The following CDH26 variants were observed in gnomAD, a reference collection of about 807,000 sequenced individuals.
CDH26 encodes the protein cadherin 26.
A neutral mutation model predicts 90.3 loss-of-function variants in CDH26; 83 were observed. That is an observed-to-expected ratio of 0.92 (90% CI 0.77 to 1.10). The LOEUF is 1.10. CDH26 is among the 50% of genes least tolerant of loss of function. The pLI is 0.00. For synonymous variants in CDH26, 397 were observed against 396.3 expected (o/e 1.00, Z -0.02); for missense variants, 1,013 against 1,037.6 (o/e 0.98, Z 0.33).
downstream of CDH26, among the ~76,000 whole-genome samples, chr20:60,034,761 C>G (rs1256704958): frequency 3.9e-5 from 6 of 152,228 alleles, no homozygotes; most frequent in Non-Finnish European, 8.8e-5. Context: ...AAGGCCCTGT[C>G]TGTTTTACTT....
chr20:59,969,992 A>G (rs1386163902), intron 2 of CDH26, 90 bp from the exon 3 acceptor site: 3 of 1,517,208 alleles, frequency 2.0e-6, no homozygotes, highest in East Asian at 4.7e-5. Flanking sequence ...GTGTCAGCAC[A>G]GGGCCTTTAC....
At position 59,984,784 on chromosome 20, in the gene CDH26, C is replaced by G; in HGVS notation, c.687C>G (p.Leu229=). The G allele has an allele frequency of 6.2e-7, 1 of 1,610,684 alleles. No individual in the cohort carries two copies. The highest frequency in any genetic ancestry group is 1.1e-5 in the South Asian group (1 of 89,978). ...RVDRLSGEIR[L]SGCLDYETAP... is the part of the protein sequence containing the mutation. ...ATCGCCTTAGTGGAGAAATACGACT[C>G]TCTGGCTGCTTAGATTATGAGGTTA... The change falls in exon 6 of 18, where the codon CTC becomes CTG. Residue 229 remains leucine (L), a synonymous_variant. Coordinates refer to ENST00000348616, the MANE Select transcript of CDH26 (RefSeq NM_177980.4).
chr20:60,026,839 G>T lies in CDH26; in HGVS notation c.948-4392G>T, dbSNP rs769435999. On this transcript the variant is annotated intron_variant, in intron 7 of 8. Coordinates refer to the CDH26 transcript ENST00000370991. ...TAAGCAGGGAATTTTCTGGTAATCT[G>T]TATGACATCAAACCTTAGCATGAAT... Among the ~76,000 whole-genome samples the T allele has an allele frequency of 8.5e-4, 130 of 152,226 alleles. 3 individuals carry two copies. The highest frequency in any genetic ancestry group is 2.2e-4 in the Non-Finnish European group (15 of 68,040).
At chr20:60,005,243 G>T (rs2061730861) in intron 16 of CDH26, among the ~76,000 whole-genome samples, 1 of 152,258 alleles carries the variant, frequency 6.6e-6, no homozygotes, top group Admixed American at 6.5e-5. Context: ...TATTGGAAAA[G>T]CTTCCAGTCA....
At chr20:59,966,370 G>A (rs1268643907) in intron 1 of CDH26, among the ~76,000 whole-genome samples, 2 of 151,954 alleles carry the variant, frequency 1.3e-5, no homozygotes, top group Non-Finnish European at 2.9e-5. Flanking sequence ...ATCCACTCAC[G>A]AAGAGTGTTT....
chr20:60,029,108 C>T (rs1242792307), intron 7 of CDH26, among the ~76,000 whole-genome samples: 1 of 152,044 alleles, frequency 6.6e-6, no homozygotes, highest in Non-Finnish European at 1.5e-5. Context: ...AAGGTTTCAC[C>T]GATGTGAGTG....
chr20:59,968,180 C>T (rs1161479044), intron 1 of CDH26, among the ~76,000 whole-genome samples: 3 of 151,352 alleles, frequency 2.0e-5, no homozygotes, highest in African/African-American at 7.3e-5. Flanking sequence ...TCACTGCAAC[C>T]TCCGCCTCCC....
At chr20:60,005,911 G>A (rs1321880807) in intron 16 of CDH26, among the ~76,000 whole-genome samples, 1 of 152,032 alleles carries the variant, frequency 6.6e-6, no homozygotes, top group East Asian at 1.9e-4. Flanking sequence ...CACCTCTTTG[G>A]GCTCCAGCCA....
intron 1 of CDH26, among the ~76,000 whole-genome samples, chr20:59,967,861 C>CTT (rs1206721737): frequency 9.3e-6 from 1 of 108,094 alleles, no homozygotes; most frequent in Non-Finnish European, 1.7e-5. Flanking sequence ...TTCTTTCTTT[C>CTT]TTTCTTTCTT....
At chr20:59,986,979 T>C (rs1410289444) in intron 7 of CDH26, among the ~76,000 whole-genome samples, 1 of 152,224 alleles carries the variant, frequency 6.6e-6, no homozygotes, top group Non-Finnish European at 1.5e-5. Context: ...TTTGAAGTGC[T>C]TGTCTAGAAA....
intron 3 of CDH26, among the ~76,000 whole-genome samples, chr20:59,971,145 A>G (rs1003502486): frequency 3.3e-5 from 5 of 152,190 alleles, no homozygotes; most frequent in African/African-American, 1.2e-4. Flanking sequence ...AAGTTCTGCT[A>G]TAGCTGTGGC....
In CDH26 at chr20:59,996,682, A is replaced by G; in HGVS notation, c.1940A>G (p.His647Arg). 1 of 1,614,244 alleles carries G rather than the reference A, an allele frequency of 6.2e-7. No homozygotes were observed. Among genetic ancestry groups the G allele is most frequent in the Non-Finnish European group, 8.5e-7 (1 of 1,180,042 alleles). The part of the protein sequence containing the change: ...RCYFVLEPKR[H>R]GCSVSNDEGH... ...TATTTTGTGCTTGAACCTAAGAGGC[A>G]TGGATGCTCTGTATCCAATGATGAA... is the stretch of plus-strand genomic sequence containing the variant. Residue 647 changes from histidine to arginine, a missense_variant, in exon 13 of 18, where the codon CAT (histidine) becomes CGT (arginine). Transcript: ENST00000348616.
intron 7 of CDH26, among the ~76,000 whole-genome samples, chr20:60,023,944 C>T (rs959442183): frequency 6.7e-6 from 1 of 149,104 alleles, no homozygotes; most frequent in Non-Finnish European, 1.5e-5. Flanking sequence ...AGGTGGGTAC[C>T]ATTATGCTGA....
At chr20:59,996,464 C>T (rs1314179311) in intron 12 of CDH26, 167 bp from the exon 13 acceptor site, 3 of 1,606,010 alleles carry the variant, frequency 1.9e-6, no homozygotes, top group Non-Finnish European at 2.6e-6. Flanking sequence ...GTAGCATCTA[C>T]TGGTACCCTG....
chr20:60,035,667 G>A (rs1402942968), downstream of CDH26, among the ~76,000 whole-genome samples: 2 of 151,678 alleles, frequency 1.3e-5, no homozygotes, highest in South Asian at 2.1e-4. Flanking sequence ...ATCTCATCTC[G>A]AATTGTGATC....
chr20:59,982,475 G>A (rs1219026879), intron 4 of CDH26, among the ~76,000 whole-genome samples: 1 of 152,204 alleles, frequency 6.6e-6, no homozygotes, highest in Non-Finnish European at 1.5e-5. Flanking sequence ...TAAAAATATA[G>A]CATGTCAGTA....
Position 60,013,733 on chromosome 20 carries a change from G to A in CDH26, c.*1003G>A, listed in dbSNP as rs1212897169. Reference sequence around the variant, plus strand: ...TAGAAACATGTTTGCTGGTGAATCAGTGAAGCATTATGTTAAACAGTGAGT... The same window carrying A: ...TAGAAACATGTTTGCTGGTGAATCAATGAAGCATTATGTTAAACAGTGAGT... On this transcript the variant is annotated 3_prime_UTR_variant, in exon 18 of 18. Transcript: ENST00000348616. The A allele has an allele frequency of 1.3e-5, 2 of 152,210 alleles. No homozygotes were observed. Among genetic ancestry groups the A allele is most frequent in the East Asian group, 1.9e-4 (1 of 5,208 alleles). The allele number at this position is 152,210 out of a possible 1,614,324, so 9.4% of individuals were successfully genotyped here. A position where few individuals can be genotyped will look rare whatever the true frequency, so the allele number is the denominator to read the frequency against.
intron 16 of CDH26, among the ~76,000 whole-genome samples, chr20:60,003,787 G>A (rs373826732): frequency 6.6e-6 from 1 of 152,142 alleles, no homozygotes; most frequent in East Asian, 1.9e-4. Context: ...GTAGGCCCTG[G>A]GGATAGAGTT....
At chr20:60,002,655 T>C (rs1303970007) in intron 15 of CDH26, among the ~76,000 whole-genome samples, 158 bp from the exon 16 acceptor site, 1 of 152,180 alleles carries the variant, frequency 6.6e-6, no homozygotes, top group Non-Finnish European at 1.5e-5. Flanking sequence ...ACTGTGAAAC[T>C]TGTTCATGAA....
Sources: allele counts gnomAD v4.1 joint callset (sites outside exome capture counted in the v4.1 genomes callset), GRCh38; gene constraint gnomAD v4.1.1; transcripts MANE v1.5; gene names NCBI Gene and HGNC (gene_info 2026-07-23, HGNC 2026-07-21).